The following HJURP variants were observed in gnomAD, a reference collection of about 807,000 sequenced individuals.
The protein encoded by HJURP is Holliday junction recognition protein.
In HJURP, 49 loss-of-function variants were observed where a neutral mutation model predicts 72.0. The ratio of observed to expected loss-of-function variants is 0.68; its 90% CI spans 0.54 to 0.86. The LOEUF is 0.86. Among genes scored for constraint, HJURP ranks in the 40% least tolerant of loss-of-function variants. The pLI is 0.00. For synonymous variants in HJURP, 357 were observed against 347.1 expected (o/e 1.03, Z -0.32); for missense variants, 908 against 936.3 (o/e 0.97, Z 0.39).
rs574916893 is a variant in HJURP, at chr2:233,849,283, C to T, written c.337+480G>A. 3.5e-4 allele frequency among the ~76,000 whole-genome samples: 53 copies of T among 152,190 alleles called. 1 individual carries two copies. In the East Asian group the frequency reaches 5.0e-3, roughly 14 times the overall value. ...CGTGAGTCTGAGCGCATCTAAATAC[C>T]GACGGATGGATCCAGGGGACAGAGA... On this transcript the variant is annotated intron_variant, in intron 4 of 8. Coordinates refer to ENST00000411486, the MANE Select transcript of HJURP (RefSeq NM_018410.5).
At position 233,854,368 on chromosome 2, in the gene HJURP, C is replaced by A. The variant is rs1705567481; in HGVS notation, c.117+16G>T. The A allele has an allele frequency of 2.6e-6, 4 of 1,551,582 alleles. No homozygotes were observed. Among genetic ancestry groups the A allele is most frequent in the Non-Finnish European group, 2.6e-6 (3 of 1,147,078 alleles). ...CACGCAGGCCTCCCCTCCCGGCGGACCGGCGGGGGCCGCACCTTCTCTATC... is the reference window on the plus strand; with the variant it reads ...CACGCAGGCCTCCCCTCCCGGCGGAACGGCGGGGGCCGCACCTTCTCTATC... On this transcript the variant is annotated intron_variant, in intron 1 of 8. Transcript: ENST00000411486.
At position 233,840,869 on chromosome 2, in the gene HJURP, C is replaced by G. The variant is rs1473198643; in HGVS notation, c.1911G>C (p.Gln637His). The stretch of plus-strand genomic sequence containing the variant: ...ACCCCAGGGGTGATGATGGCAACTT[C>G]TGGAAACCCTGGAAGTGAGGGTCTG... ...LNPDPHFQGF[Q>H]KLPSSPLGCR... Residue 637 changes from glutamine to histidine, a missense_variant, in exon 8 of 9, where the codon CAG becomes CAC. By Grantham distance (24) the Gln-to-His change is conservative (BLOSUM62 0). This residue lies in a region of HJURP where 598 missense variants were observed against 619.5 expected (regional missense o/e 0.97). Coordinates refer to ENST00000411486, the MANE Select transcript of HJURP (RefSeq NM_018410.5). 2.5e-5 allele frequency: 40 copies of G among 1,614,028 alleles called. No individual in the cohort carries two copies. Among genetic ancestry groups the G allele is most frequent in the Non-Finnish European group, 3.1e-5 (37 of 1,180,036 alleles).
At chr2:233,840,410 C>T (rs183778392) in intron 8 of HJURP, among the ~76,000 whole-genome samples, 199 bp downstream of exon 8, 55 of 152,324 alleles carry the variant, frequency 3.6e-4, no homozygotes, top group East Asian at 7.7e-4. Context: ...ATGCATCTTA[C>T]ACAGGGACAC....
intron 6 of HJURP, among the ~76,000 whole-genome samples, chr2:233,844,933 C>T (rs1574645918): frequency 1.3e-5 from 2 of 152,094 alleles, no homozygotes; most frequent in East Asian, 3.9e-4. Context: ...GAGGGGTTGG[C>T]AGGTGAGTGT....
chr2:233,847,400 T>A lies in HJURP; in HGVS notation c.399A>T (p.Leu133Phe). 6.2e-7 allele frequency: 1 copy of A among 1,613,544 alleles called. No homozygotes were observed. The highest frequency in any genetic ancestry group is 8.5e-7 in the Non-Finnish European group (1 of 1,179,448). Residue 133 changes from leucine to phenylalanine, a missense_variant, in exon 5 of 9, where the codon TTA (leucine) becomes TTT (phenylalanine). Physicochemically the swap from Leu to Phe is conservative, Grantham distance 22 (BLOSUM62 0). Around this residue, in one of 3 missense-constraint regions of HJURP, gnomAD observed 299 missense variants for 286.7 expected, o/e 1.04. Transcript: ENST00000411486. ...CATTACTAAAGGCAGCACTTACTGC[T>A]AAGGCCCAAGCAACTGACTCTTCCT... ...SDQEESVAWA[L>F]APAVPQSPLK...
chr2:233,851,818 T>A (rs1705502187), intron 3 of HJURP, among the ~76,000 whole-genome samples: 1 of 152,198 alleles, frequency 6.6e-6, no homozygotes, highest in African/African-American at 2.4e-5. Flanking sequence ...AAGATTTGAT[T>A]TCAAATTTGC....
chr2:233,847,313 C>T, intron 5 of HJURP, 84 bp downstream of exon 5: 1 of 1,057,936 alleles, frequency 9.5e-7, no homozygotes, highest in Non-Finnish European at 1.5e-6. Flanking sequence ...GCAGCGCTGC[C>T]CGCCTCAGGC....
At chr2:233,851,646 C>T (rs919977703) in intron 3 of HJURP, among the ~76,000 whole-genome samples, 5 of 151,542 alleles carry the variant, frequency 3.3e-5, no homozygotes, top group African/African-American at 4.9e-5. Context: ...ATGTATTAAC[C>T]GGAAAAGTGA....
Position 233,850,515 on chromosome 2 carries a change from T to C in HJURP, c.241-656A>G, listed in dbSNP as rs147149728. ...AGTAATGAAATTCAAGCATTCAGGA[T>C]ACCAGATTGGCTGAAATATTAATAT... On this transcript the variant is annotated intron_variant, in intron 3 of 8. Transcript: ENST00000411486. Among the ~76,000 whole-genome samples, 233 of 152,260 alleles carry C rather than the reference T, an allele frequency of 1.5e-3. 1 individual carries two copies. The highest frequency in any genetic ancestry group is 5.3e-3 in the African/African-American group (220 of 41,554).
intron 8 of HJURP, among the ~76,000 whole-genome samples, chr2:233,839,527 G>A (rs1013203845): frequency 6.6e-6 from 1 of 152,256 alleles, no homozygotes; most frequent in African/African-American, 2.4e-5. Context: ...TCAAGCCACA[G>A]GAGGCCGCTG....
In HJURP at chr2:233,837,181, G is replaced by A. The variant is rs560950746; in HGVS notation, c.*396C>T. 9.7e-6 allele frequency: 2 copies of A among 206,968 alleles called. No homozygotes were observed. Among genetic ancestry groups the A allele is most frequent in the East Asian group, 1.7e-4 (1 of 6,038 alleles). The allele number at this position is 206,968 out of a possible 1,614,324, so 12.8% of individuals were successfully genotyped here. A position where few individuals can be genotyped will look rare whatever the true frequency, so the allele number is the denominator to read the frequency against. On this transcript the variant is annotated 3_prime_UTR_variant, in exon 9 of 9. Coordinates refer to ENST00000411486, the MANE Select transcript of HJURP (RefSeq NM_018410.5). ...CGCGCCTGTAATCCCAGCTACTCGG[G>A]AGGCTGAGGCAGAAGAATCGCTTGA...
chr2:233,841,913 G>T lies in HJURP; in HGVS notation c.867C>A (p.Ile289=). The T allele has an allele frequency of 6.2e-7, 1 of 1,614,212 alleles. No individual in the cohort carries two copies. The highest frequency in any genetic ancestry group is 8.5e-7 in the Non-Finnish European group (1 of 1,180,028). The change falls in exon 8 of 9, where the codon ATC becomes ATA. Residue 289 remains isoleucine, a synonymous_variant. Coordinates refer to ENST00000411486, the MANE Select transcript of HJURP (RefSeq NM_018410.5). The part of the protein sequence containing the change: ...PSSIISTKTF[I]MQNWNSRRRH... ...TCCTCCTGGAGTTCCAGTTTTGCAT[G>T]ATGAACGTTTTGGTGGAGATGATGC... is the stretch of plus-strand genomic sequence containing the variant.
Position 233,840,633 on chromosome 2 carries a change from G to C in HJURP, c.2147C>G (p.Ser716Cys). The change falls in exon 8 of 9, where the codon TCT becomes TGT. Residue 716 changes from serine to cysteine, a missense_variant. By Grantham distance (112) the Ser-to-Cys change is moderately radical (BLOSUM62 -1). Coordinates refer to ENST00000411486, the MANE Select transcript of HJURP (RefSeq NM_018410.5). Reference protein sequence around the residue: ...NTVRPGDQGSSSQPNSEERGE... With the variant: ...NTVRPGDQGSCSQPNSEERGE... The stretch of plus-strand genomic sequence containing the variant: ...CCTCTCTTCTGAGTTGGGCTGTGAA[G>C]AGCTGCCCTGGTCTCCCGGTCTGAC... 6.2e-7 allele frequency: 1 copy of C among 1,604,416 alleles called. No homozygotes were observed. Among genetic ancestry groups the C allele is most frequent in the Non-Finnish European group, 8.5e-7 (1 of 1,177,166 alleles).
intron 4 of HJURP, among the ~76,000 whole-genome samples, chr2:233,848,961 A>G (rs1705434296): frequency 6.6e-6 from 1 of 152,248 alleles, no homozygotes. Flanking sequence ...GGCCCAGGCC[A>G]GAACTTCTGG....
intron 6 of HJURP, 127 bp downstream of exon 6, chr2:233,845,601 G>A (rs1168380780): frequency 3.2e-6 from 2 of 617,700 alleles, no homozygotes; most frequent in African/African-American, 3.7e-5. Context: ...AAACAATTTG[G>A]AAATCATTAC....
rs1018132167 is a variant in HJURP at position 233,846,306 on chromosome 2, G to A, written c.403-486C>T. ...CATCTCTACTACAATACAAAAATTA[G>A]CTGGGCATGGTGGTGGGCGCCTGTA... On this transcript the variant is annotated intron_variant, in intron 5 of 8. Transcript: ENST00000411486. The surrounding 1 kb of genome is among the most constrained non-coding windows in gnomAD (Gnocchi z 4.3). Among the ~76,000 whole-genome samples the A allele has an allele frequency of 4.6e-5, 7 of 152,106 alleles. No homozygotes were observed. Among genetic ancestry groups the A allele is most frequent in the Non-Finnish European group, 7.4e-5 (5 of 68,016 alleles).
rs990072378 is a variant in HJURP at position 233,841,406 on chromosome 2, G to A, written c.1374C>T (p.Leu458=). Residue 458 remains leucine, a synonymous_variant, in exon 8 of 9, where the codon CTC becomes CTT. Transcript: ENST00000411486. The part of the protein sequence containing the change: ...SPRNQPRRMC[L]PDSWAMNMYR... The stretch of plus-strand genomic sequence containing the variant: ...ACATGTTCATGGCCCAGGAGTCCGG[G>A]AGGCACATCCGGCGAGGCTGGTTCC... 5.6e-6 allele frequency: 9 copies of A among 1,614,190 alleles called. No homozygotes were observed. Among genetic ancestry groups the A allele is most frequent in the Non-Finnish European group, 7.6e-6 (9 of 1,180,028 alleles).
chr2:233,841,005 C>T lies in HJURP; in HGVS notation c.1775G>A (p.Cys592Tyr), dbSNP rs777004380. 1.9e-6 allele frequency: 3 copies of T among 1,614,202 alleles called. No individual in the cohort carries two copies. The South Asian group carries it at 3.3e-5, about 18-fold the overall frequency. Reference protein sequence around the residue: ...EEFDKLHQKYCLKSPGQMTVP... With the variant: ...EEFDKLHQKYYLKSPGQMTVP... ...TGTCATCTGCCCAGGAGATTTGAGG[C>T]AATACTTTTGATGAAGCTTGTCAAA... The change falls in exon 8 of 9, where the codon TGC becomes TAC. Residue 592 changes from cysteine to tyrosine, a missense_variant. This residue lies in a region of HJURP where 598 missense variants were observed against 619.5 expected (regional missense o/e 0.97). Transcript: ENST00000411486.
intron 4 of HJURP, among the ~76,000 whole-genome samples, chr2:233,849,528 A>G (rs1308855147): frequency 9.2e-5 from 14 of 152,178 alleles, no homozygotes; most frequent in Admixed American, 9.2e-4. Context: ...GGGCATGTTT[A>G]TTTACTCAAA....
Sources: gnomAD v4.1 joint callset for allele counts (sites outside exome capture counted in the v4.1 genomes callset) on GRCh38, gnomAD v4.1.1 for gene constraint, gnomAD v4.1.1 regional missense constraint, Gnocchi (gnomAD v3.1) non-coding constraint, MANE v1.5 for transcripts, NCBI Gene and HGNC (gene_info 2026-07-23, HGNC 2026-07-21) for gene names.